The following LRRC3B variants were observed in gnomAD, a reference collection of about 807,000 sequenced individuals.
LRRC3B encodes the protein leucine rich repeat containing 3B, also known as leucine-rich repeat-containing protein 3B.
In LRRC3B, 2 loss-of-function variants were observed where a neutral mutation model predicts 12.8. That is an observed-to-expected ratio of 0.16 (90% CI 0.06 to 0.49). The LOEUF is 0.49. Ranked by LOEUF, LRRC3B falls within the 20% of genes least tolerant of loss-of-function variation. The pLI is 0.96. For missense variants in LRRC3B, 189 were observed against 319.4 expected, an observed-to-expected ratio of 0.59 and a Z score of 3.11; for synonymous variants, 132 against 122.0, an observed-to-expected ratio of 1.08 and a Z score of -0.54.
At chr3:26,638,256 T>C (rs998698886) in intron 1 of LRRC3B, among the ~76,000 whole-genome samples, 4 of 151,836 alleles carry the variant, frequency 2.6e-5, no homozygotes, top group African/African-American at 9.7e-5. Context: ...TGTCATGATA[T>C]AAAAAAAATT....
chr3:26,650,617 C>T (rs934387973), intron 1 of LRRC3B, among the ~76,000 whole-genome samples: 17 of 151,894 alleles, frequency 1.1e-4, no homozygotes, highest in African/African-American at 4.1e-4. Context: ...CATTTCCAAA[C>T]AATGTTAGTG....
At chr3:26,686,428 A>G (rs914715992) in intron 1 of LRRC3B, among the ~76,000 whole-genome samples, 1 of 152,078 alleles carries the variant, frequency 6.6e-6, no homozygotes, top group Admixed American at 6.6e-5. Flanking sequence ...TAACTTCAAC[A>G]CTGCTTCTTT....
chr3:26,631,610 G>C (rs188779868), intron 1 of LRRC3B, among the ~76,000 whole-genome samples: 1 of 150,922 alleles, frequency 6.6e-6, no homozygotes, highest in Non-Finnish European at 1.5e-5. Context: ...TTGGAAATTA[G>C]CATGTTTTTG....
At chr3:26,644,879 C>T (rs571397285) in intron 1 of LRRC3B, among the ~76,000 whole-genome samples, 16 of 152,234 alleles carry the variant, frequency 1.1e-4, no homozygotes, top group African/African-American at 3.6e-4. Context: ...AATACACATA[C>T]ATAAACATAC....
At chr3:26,683,695 C>A (rs1370337934) in intron 1 of LRRC3B, among the ~76,000 whole-genome samples, 2 of 152,338 alleles carry the variant, frequency 1.3e-5, no homozygotes, top group East Asian at 3.9e-4. Context: ...CAGAACCACT[C>A]CACCACTCTG....
At chr3:26,622,822 G>T (rs965238043) in exon 1 of LRRC3B, 2 of 152,268 alleles carry the variant, frequency 1.3e-5, no homozygotes, top group Non-Finnish European at 2.9e-5. Flanking sequence ...TGAGCCGACT[G>T]CATCTCTGGG....
chr3:26,674,342 T>C (rs1375564969), intron 1 of LRRC3B, among the ~76,000 whole-genome samples: 1 of 152,174 alleles, frequency 6.6e-6, no homozygotes, highest in Non-Finnish European at 1.5e-5. Context: ...TGTAAAAACA[T>C]TAACATGAAA....
At chr3:26,671,371 T>TAGAGAGAGAGAGAGAGAGAGAG (rs1207421811) in intron 1 of LRRC3B, among the ~76,000 whole-genome samples, 32 of 35,954 alleles carry the variant, frequency 8.9e-4, no homozygotes, top group East Asian at 1.7e-3. Context: ...TATATATATA[T>TAGAGAGAGAGAGAGAGAGAGAG]ATAGAGAGAG....
At chr3:26,668,774 A>G (rs1485740341) in intron 1 of LRRC3B, among the ~76,000 whole-genome samples, 1 of 152,240 alleles carries the variant, frequency 6.6e-6, no homozygotes, top group Admixed American at 6.5e-5. Context: ...CCAGCAATGA[A>G]CAGTTACCAT....
chr3:26,638,426 A>G (rs1012785171), intron 1 of LRRC3B, among the ~76,000 whole-genome samples: 1 of 152,182 alleles, frequency 6.6e-6, no homozygotes, highest in African/African-American at 2.4e-5. Flanking sequence ...AAAAATCAGA[A>G]AAGATCCTAT....
At chr3:26,702,697 T>G (rs1189312462) in intron 1 of LRRC3B, among the ~76,000 whole-genome samples, 1 of 152,028 alleles carries the variant, frequency 6.6e-6, no homozygotes, top group South Asian at 2.1e-4. Flanking sequence ...TAACTTGACA[T>G]TAGAAGGATG....
At chr3:26,645,097 G>T (rs1460098291) in intron 1 of LRRC3B, among the ~76,000 whole-genome samples, 1 of 152,134 alleles carries the variant, frequency 6.6e-6, no homozygotes, top group East Asian at 1.9e-4. Context: ...AATCCAGAGT[G>T]TTTATTTGCA....
intron 1 of LRRC3B, among the ~76,000 whole-genome samples, chr3:26,648,764 C>T (rs1232595983): frequency 6.6e-6 from 1 of 152,216 alleles, no homozygotes; most frequent in Non-Finnish European, 1.5e-5. Flanking sequence ...TAAACTGTAG[C>T]ATTTTAATGT....
At chr3:26,632,016 A>G (rs1698767025) in intron 1 of LRRC3B, among the ~76,000 whole-genome samples, 1 of 152,262 alleles carries the variant, frequency 6.6e-6, no homozygotes, top group South Asian at 2.1e-4. Flanking sequence ...TATATGTTAC[A>G]GATCCAACAA....
At chr3:26,683,482 A>G (rs966990284) in intron 1 of LRRC3B, among the ~76,000 whole-genome samples, 1 of 152,206 alleles carries the variant, frequency 6.6e-6, no homozygotes, top group African/African-American at 2.4e-5. Flanking sequence ...TGGAAAAGAT[A>G]TGCTATGAGT....
chr3:26,676,941 G>T (rs986276014), intron 1 of LRRC3B, among the ~76,000 whole-genome samples: 3 of 152,162 alleles, frequency 2.0e-5, no homozygotes, highest in African/African-American at 7.2e-5. Flanking sequence ...GCTCTGGGTG[G>T]AAGTGTAGAA....
chr3:26,658,277 C>T (rs1699418059), intron 1 of LRRC3B, among the ~76,000 whole-genome samples: 1 of 152,112 alleles, frequency 6.6e-6, no homozygotes, highest in South Asian at 2.1e-4. Flanking sequence ...CCAGAATGGT[C>T]TCTATCTCCT....
chr3:26,684,684 G>A (rs1342243955), intron 1 of LRRC3B, among the ~76,000 whole-genome samples: 3 of 152,184 alleles, frequency 2.0e-5, no homozygotes, highest in Non-Finnish European at 4.4e-5. Flanking sequence ...ATCCACCCAG[G>A]AGGGCAAAGC....
At chr3:26,672,845 G>C (rs1348914628) in intron 1 of LRRC3B, among the ~76,000 whole-genome samples, 1 of 152,102 alleles carries the variant, frequency 6.6e-6, no homozygotes, top group Non-Finnish European at 1.5e-5. Flanking sequence ...CAACTCCATA[G>C]TACGCTTTGT....
Sources: allele counts gnomAD v4.1 joint callset (sites outside exome capture counted in the v4.1 genomes callset), GRCh38; gene constraint gnomAD v4.1.1; transcripts MANE v1.5; gene names NCBI Gene and HGNC (gene_info 2026-07-23, HGNC 2026-07-21).